AGTPBP1: variants seen among roughly 807,000 people sequenced by gnomAD.
AGTPBP1 encodes ATP/GTP binding carboxypeptidase 1, also known as cytosolic carboxypeptidase 1.
AGTPBP1 carries 70 observed loss-of-function variants against 143.9 expected under a neutral mutation model. The ratio of observed to expected loss-of-function variants is 0.49; its 90% CI spans 0.40 to 0.59. The LOEUF is 0.59. AGTPBP1 is among the 20% of genes least tolerant of loss of function. The pLI, the probability that AGTPBP1 is intolerant of heterozygous loss-of-function variation, is 0.00. For missense variants in AGTPBP1, 1,229 were observed against 1,464.5 expected, an observed-to-expected ratio of 0.84 and a Z score of 2.62; for synonymous variants, 463 against 500.2, an observed-to-expected ratio of 0.93 and a Z score of 0.99.
At chr9:85,628,657 G>A (rs889908956) in intron 14 of AGTPBP1, among the ~76,000 whole-genome samples, 10 of 152,102 alleles carry the variant, frequency 6.6e-5, no homozygotes, top group African/African-American at 2.4e-4. Flanking sequence ...TTTTCTCATC[G>A]CAAATTTTCT....
At chr9:85,742,774 C>T (rs62570657), upstream of AGTPBP1, among the ~76,000 whole-genome samples, 7,082 of 152,288 alleles carry the variant, frequency 0.047, 190 homozygotes, top group Middle Eastern at 0.068. Context: ...CAGTGTACTG[C>T]AATGTATTGC....
intron 7 of AGTPBP1, 96 bp downstream of exon 7, chr9:85,672,454 C>T: frequency 1.5e-6 from 2 of 1,359,096 alleles, no homozygotes; most frequent in Non-Finnish European, 2.0e-6. Flanking sequence ...TTTCCTTTTT[C>T]ACAAATATCA....
the AGTPBP1 span, among the ~76,000 whole-genome samples, chr9:85,797,586 C>T: frequency 4.6e-5 from 7 of 152,184 alleles, no homozygotes; most frequent in East Asian, 7.7e-4. Context: ...GCCTGCTACA[C>T]AGCTGACTTC....
At chr9:85,783,923 C>A in the AGTPBP1 span, among the ~76,000 whole-genome samples, 1 of 152,202 alleles carries the variant, frequency 6.6e-6, no homozygotes, top group East Asian at 1.9e-4. Flanking sequence ...CCGTGCCCAG[C>A]GGTTCAGTGG....
At chr9:85,753,337 G>A in the AGTPBP1 span, 1 of 1,613,934 alleles carries the variant, frequency 6.2e-7, no homozygotes, top group East Asian at 2.2e-5. Flanking sequence ...CAGGAAGAAG[G>A]TCTAAAACCG....
At chr9:85,772,249 C>A in the AGTPBP1 span, among the ~76,000 whole-genome samples, 2 of 152,302 alleles carry the variant, frequency 1.3e-5, no homozygotes, top group Admixed American at 1.3e-4. Context: ...GCTGGGATTA[C>A]AGGTGTGAGC....
chr9:85,803,428 C>T, the AGTPBP1 span, among the ~76,000 whole-genome samples: 1 of 152,170 alleles, frequency 6.6e-6, no homozygotes, highest in Admixed American at 6.5e-5. Context: ...TCTTTGCTGG[C>T]TTGGCTCACC....
chr9:85,673,996 G>A (rs981884344), intron 6 of AGTPBP1, among the ~76,000 whole-genome samples: 2 of 151,468 alleles, frequency 1.3e-5, no homozygotes, highest in East Asian at 1.9e-4. Flanking sequence ...GGTGGCGGGC[G>A]CCTGCAGTCC....
intron 25 of AGTPBP1, among the ~76,000 whole-genome samples, chr9:85,563,773 T>C (rs1052022441): frequency 1.3e-5 from 2 of 152,130 alleles, no homozygotes; most frequent in African/African-American, 4.8e-5. Context: ...TGACAGGCAA[T>C]TCAGAGATCA....
chr9:85,619,179 T>C, intron 16 of AGTPBP1, 36 bp downstream of exon 16: 1 of 1,610,064 alleles, frequency 6.2e-7, no homozygotes, highest in Non-Finnish European at 8.5e-7. Flanking sequence ...GAAATATCTG[T>C]GCACATACAA....
intron 21 of AGTPBP1, among the ~76,000 whole-genome samples, chr9:85,587,279 T>C (rs938956902): frequency 1.1e-4 from 16 of 152,198 alleles, no homozygotes; most frequent in African/African-American, 3.9e-4. Flanking sequence ...TAAAAATGTA[T>C]TAATAATCAC....
upstream of AGTPBP1, among the ~76,000 whole-genome samples, chr9:85,745,756 G>A (rs1445457369): frequency 6.6e-6 from 1 of 152,182 alleles, no homozygotes; most frequent in East Asian, 1.9e-4. Flanking sequence ...CCAGCATTTT[G>A]GGAGGCCAAA....
chr9:85,644,771 T>A (rs1249837266), intron 12 of AGTPBP1, among the ~76,000 whole-genome samples: 1 of 152,022 alleles, frequency 6.6e-6, no homozygotes, highest in Non-Finnish European at 1.5e-5. Flanking sequence ...AAAAAAGTTA[T>A]AACCATAAGA....
chr9:85,804,790 C>T, the AGTPBP1 span, among the ~76,000 whole-genome samples: 3 of 152,202 alleles, frequency 2.0e-5, 1 homozygote, highest in African/African-American at 7.2e-5. Context: ...GGGAACTGAG[C>T]AATGTTAGTT....
At chr9:85,622,245 G>A (rs1317616131) in intron 14 of AGTPBP1, among the ~76,000 whole-genome samples, 1 of 152,206 alleles carries the variant, frequency 6.6e-6, no homozygotes, top group Non-Finnish European at 1.5e-5. Context: ...TTTATTGAGA[G>A]CAGGGTGAGA....
At chr9:85,745,316 T>C (rs371775633), upstream of AGTPBP1, among the ~76,000 whole-genome samples, 2 of 152,242 alleles carry the variant, frequency 1.3e-5, no homozygotes, top group Non-Finnish European at 2.9e-5. Flanking sequence ...GAGAGCATGA[T>C]TGATCATGAG....
the AGTPBP1 span, among the ~76,000 whole-genome samples, chr9:85,780,016 A>T: frequency 1.3e-5 from 2 of 152,188 alleles, no homozygotes; most frequent in African/African-American, 4.8e-5. Flanking sequence ...GATCTCATTA[A>T]TTTTAAGTAT....
chr9:85,796,994 C>G, the AGTPBP1 span, among the ~76,000 whole-genome samples: 2 of 152,016 alleles, frequency 1.3e-5, no homozygotes, highest in African/African-American at 4.8e-5. Flanking sequence ...ACCGTGTTAG[C>G]CAGGATGGTC....
At chr9:85,796,861 A>C in the AGTPBP1 span, among the ~76,000 whole-genome samples, 3 of 152,136 alleles carry the variant, frequency 2.0e-5, no homozygotes, top group Non-Finnish European at 4.4e-5. Flanking sequence ...GTCTCGGCTC[A>C]CTGCAACTTC....
Sources: allele counts gnomAD v4.1 joint callset (sites outside exome capture counted in the v4.1 genomes callset), GRCh38; gene constraint gnomAD v4.1.1; transcripts MANE v1.5; gene names NCBI Gene and HGNC (gene_info 2026-07-23, HGNC 2026-07-21).